Variants in WIZ observed in about 807,000 individuals in gnomAD.
WIZ encodes protein Wiz.
A neutral mutation model predicts 140.2 loss-of-function variants in WIZ; 25 were observed. The observed-to-expected ratio is 0.18, with a 90% CI of 0.13 to 0.25. The LOEUF (loss-of-function observed/expected upper bound fraction) is 0.25, where lower values mean the gene tolerates loss of function less well. WIZ is among the 10% of genes least tolerant of loss of function. The probability of loss-of-function intolerance (pLI) is 1.00; values close to 1 mark genes in which losing one functional copy is unlikely to be tolerated. For missense variants in WIZ, 2,231 were observed against 2,632.6 expected (o/e 0.85, Z 3.34); for synonymous variants, 1,125 against 1,154.3 (o/e 0.97, Z 0.51).
chr19:15,440,497 T>C lies in WIZ; in HGVS notation c.497A>G (p.His166Arg), dbSNP rs1969700783. Residue 166 changes from histidine to arginine, a missense_variant, in exon 4 of 13, where the codon CAC (histidine) becomes CGC (arginine). Around this residue, in one of 15 missense-constraint regions of WIZ, gnomAD observed 307 missense variants for 294.1 expected, o/e 1.04. Transcript: ENST00000673675. The surrounding 1 kb of genome is among the most constrained non-coding windows in gnomAD (Gnocchi z 6.2). ...AELEGSRRFL[H>R]HRGEPRLLEK... ...CAAAAGCCTTGGTTCCCCCCGGTGG[T>C]GTAAGAACCTTCTAGAGCCCTCTAG... 6.5e-7 allele frequency: 1 copy of C among 1,536,096 alleles called. No individual in the cohort carries two copies. The highest frequency in any genetic ancestry group is 2.0e-5 in the Admixed American group (1 of 51,000).
chr19:15,422,338 G>A lies in WIZ; in HGVS notation c.*738C>T, dbSNP rs1355869935. Reference sequence around the variant, plus strand: ...AGGGAGAGGGAGCAGGAGTGGGGGAGGAGAGTCCCACCCCCCAACCCCACC... The same window carrying A: ...AGGGAGAGGGAGCAGGAGTGGGGGAAGAGAGTCCCACCCCCCAACCCCACC... On this transcript the variant is annotated 3_prime_UTR_variant, in exon 13 of 13. Transcript: ENST00000673675. 6.6e-6 allele frequency: 1 copy of A among 152,258 alleles called. No homozygotes were observed. The highest frequency in any genetic ancestry group is 2.1e-4 in the South Asian group (1 of 4,832). The allele number at this position is 152,258 out of a possible 1,614,324, so 9.4% of individuals were successfully genotyped here.
At position 15,428,051 on chromosome 19, in the gene WIZ, C is replaced by A. The variant is rs946889721; in HGVS notation, c.3814+59G>T. The A allele has an allele frequency of 4.6e-5, 70 of 1,515,250 alleles. No homozygotes were observed. Among genetic ancestry groups the A allele is most frequent in the South Asian group, 2.2e-4 (18 of 81,062 alleles). 93.9% of individuals were successfully genotyped at this position (1,515,250 alleles called of 1,614,324 possible). A position where few individuals can be genotyped will look rare whatever the true frequency, so the allele number is the denominator to read the frequency against. On this transcript the variant is annotated intron_variant, in intron 8 of 12. Transcript: ENST00000673675. The surrounding 1 kb of genome is among the most constrained non-coding windows in gnomAD (Gnocchi z 6.4). ...CAGCAGGGAGGGGGCTGTGACCCCC[C>A]CCCCGGGAGGGGCTCCAGGGCCCGC...
rs1245111512 is a variant in WIZ, at chr19:15,420,847, G to C, written c.*2229C>G. ...TATTTCAAAAACTGACTTACGGGCCGGGCATAGTGGCTCACGCCTGTAATC... is the reference window on the plus strand; with the variant it reads ...TATTTCAAAAACTGACTTACGGGCCCGGCATAGTGGCTCACGCCTGTAATC... On this transcript the variant is annotated 3_prime_UTR_variant, in exon 13 of 13. Transcript: ENST00000673675. The C allele has an allele frequency of 6.6e-6, 1 of 152,168 alleles. No individual in the cohort carries two copies. The highest frequency in any genetic ancestry group is 1.5e-5 in the Non-Finnish European group (1 of 68,084). 9.4% of individuals were successfully genotyped at this position (152,168 alleles called of 1,614,324 possible). A position where few individuals can be genotyped will look rare whatever the true frequency, so the allele number is the denominator to read the frequency against.
In WIZ at chr19:15,438,866, C is replaced by A. The variant is rs1201756432; in HGVS notation, c.2128G>T (p.Gly710Trp). ...TCCAGGGGGTGGGCGCCTGCCAGCC[C>A]CAGCTCCTCGGGCTGCAACCTTGGG... is the stretch of plus-strand genomic sequence containing the variant. ...VPPRLQPEEL[G>W]LAGAHPLDFL... Residue 710 changes from glycine (G) to tryptophan (W), a missense_variant, in exon 4 of 13, where the codon GGG (glycine) becomes TGG (tryptophan). Around this residue, in one of 15 missense-constraint regions of WIZ, gnomAD observed 475 missense variants for 520.2 expected, o/e 0.91. Coordinates refer to ENST00000673675, the MANE Select transcript of WIZ (RefSeq NM_001371589.1). The A allele has an allele frequency of 6.8e-6, 10 of 1,466,650 alleles. No individual in the cohort carries two copies. The highest frequency in any genetic ancestry group is 2.4e-5 in the Admixed American group (1 of 41,700). 90.9% of individuals were successfully genotyped at this position (1,466,650 alleles called of 1,614,324 possible).
At position 15,439,373 on chromosome 19, in the gene WIZ, C is replaced by T; in HGVS notation, c.1621G>A (p.Ala541Thr). 1 of 1,531,642 alleles carries T rather than the reference C, an allele frequency of 6.5e-7. No individual in the cohort carries two copies. The highest frequency in any genetic ancestry group is 8.7e-7 in the Non-Finnish European group (1 of 1,143,970). 94.9% of individuals were successfully genotyped at this position (1,531,642 alleles called of 1,614,324 possible). Residue 541 changes from alanine (A) to threonine (T), a missense_variant, in exon 4 of 13, where the codon GCT becomes ACT. By Grantham distance (58) the Ala-to-Thr change is moderately conservative. Around this residue, in one of 15 missense-constraint regions of WIZ, gnomAD observed 475 missense variants for 520.2 expected, o/e 0.91. Coordinates refer to ENST00000673675, the MANE Select transcript of WIZ (RefSeq NM_001371589.1). The surrounding 1 kb of genome is among the most constrained non-coding windows in gnomAD (Gnocchi z 7.0). Reference sequence around the variant, plus strand: ...AAGGCCAGGCTGGGGTCGTATCCAGCAGGGTTCTCCCGCCACATGGGGGCC... The same window carrying T: ...AAGGCCAGGCTGGGGTCGTATCCAGTAGGGTTCTCCCGCCACATGGGGGCC... The part of the protein sequence containing the change: ...SLAPMWRENP[A>T]GYDPSLAFGP...
In WIZ at chr19:15,436,920, G is replaced by T; in HGVS notation, c.2626C>A (p.Arg876=). Residue 876 remains arginine, a synonymous_variant, in exon 5 of 13, where the codon CGA becomes AGA. Coordinates refer to ENST00000673675, the MANE Select transcript of WIZ (RefSeq NM_001371589.1). ...AAEQPPSPLG[R]EPGGPPGSFL... ...CTGCCAGGCGGACCCCCAGGCTCTC[G>T]GCCCAGGGGGCTGGGGGGCTGCTCA... 2 of 1,612,758 alleles carry T rather than the reference G, an allele frequency of 1.2e-6. No homozygotes were observed. Among genetic ancestry groups the T allele is most frequent in the Non-Finnish European group, 8.5e-7 (1 of 1,179,484 alleles).
rs1969783380 is a variant in WIZ at position 15,442,576 on chromosome 19, C to T, written c.278+100G>A. 2.1e-5 allele frequency: 20 copies of T among 959,980 alleles called. No individual in the cohort carries two copies. Among genetic ancestry groups the T allele is most frequent in the Non-Finnish European group, 2.6e-5 (19 of 739,560 alleles). 59.5% of individuals were successfully genotyped at this position (959,980 alleles called of 1,614,324 possible). ...TCCTCCTGCCTGGCCTCCTGATTCC[C>T]TCCTGTCCCCTTCTCATTCCCCAGG... On this transcript the variant is annotated intron_variant, in intron 3 of 12. Transcript: ENST00000673675. The surrounding 1 kb of genome is among the most constrained non-coding windows in gnomAD (Gnocchi z 5.5).
rs1380286572 is a variant in WIZ, at chr19:15,429,099, G to T, written c.3415+487C>A. The stretch of plus-strand genomic sequence containing the variant: ...GTGCCCACAGGCAGCCCAGGAGGTG[G>T]GGCTTCACCGGCAGGCGCAGAGAGC... On this transcript the variant is annotated intron_variant, in intron 7 of 12. Transcript: ENST00000673675. Among the ~76,000 whole-genome samples, 4 of 152,326 alleles carry T rather than the reference G, an allele frequency of 2.6e-5. No individual in the cohort carries two copies. In the East Asian group the frequency reaches 7.7e-4, roughly 29 times the overall value.
At position 15,439,850 on chromosome 19, in the gene WIZ, T is replaced by G. The variant is rs1202956255; in HGVS notation, c.1144A>C (p.Ile382Leu). Residue 382 changes from isoleucine (I) to leucine (L), a missense_variant, in exon 4 of 13, where the codon ATT becomes CTT. By Grantham distance (5) the Ile-to-Leu change is conservative. Coordinates refer to ENST00000673675, the MANE Select transcript of WIZ (RefSeq NM_001371589.1). The surrounding 1 kb of genome is among the most constrained non-coding windows in gnomAD (Gnocchi z 7.0). Reference sequence around the variant, plus strand: ...TGCTTCAGCTTTTGGATCTCCTCAATGATCTTCTCCCGGGAGGCCTGATGC... The same window carrying G: ...TGCTTCAGCTTTTGGATCTCCTCAAGGATCTTCTCCCGGGAGGCCTGATGC... ...QLHQASREKIIEEIQKLKQVP... is the reference protein window; with the variant it reads ...QLHQASREKILEEIQKLKQVP... 4 of 1,530,246 alleles carry G rather than the reference T, an allele frequency of 2.6e-6. No homozygotes were observed. The South Asian group carries it at 3.6e-5, about 14-fold the overall frequency. 94.8% of individuals were successfully genotyped at this position (1,530,246 alleles called of 1,614,324 possible). A position where few individuals can be genotyped will look rare whatever the true frequency, so the allele number is the denominator to read the frequency against.
rs1006849934 is a variant in WIZ at position 15,442,440 on chromosome 19, C to T, written c.278+236G>A. ...AGGGTCCAACATCCAGGCTCCTGCCCCTCTGGCCCTGCTCCTGGCAGGGAT... is the reference window on the plus strand; with the variant it reads ...AGGGTCCAACATCCAGGCTCCTGCCTCTCTGGCCCTGCTCCTGGCAGGGAT... On this transcript the variant is annotated intron_variant, in intron 3 of 12. Transcript: ENST00000673675. This position sits in a 1 kb window ranked among gnomAD's most constrained non-coding sequence, Gnocchi z 5.5. Among the ~76,000 whole-genome samples, 3 of 152,186 alleles carry T rather than the reference C, an allele frequency of 2.0e-5. No individual in the cohort carries two copies. Among genetic ancestry groups the T allele is most frequent in the African/African-American group, 4.8e-5 (2 of 41,450 alleles).
Position 15,425,595 on chromosome 19 carries a change from ACTT to A in WIZ, c.4537_4539del (p.Lys1513del), listed in dbSNP as rs759810311. The A allele has an allele frequency of 6.8e-6, 11 of 1,612,786 alleles. No homozygotes were observed. The highest frequency in any genetic ancestry group is 2.2e-5 in the South Asian group (2 of 91,030). ...TCCTTCTTGATGAGGCACGGCTTGGACTTCTTCTTGAGGATCTCTCGCAGTGTG... is the reference window on the plus strand; with the variant it reads ...TCCTTCTTGATGAGGCACGGCTTGGACTTCTTGAGGATCTCTCGCAGTGTG... On this transcript the variant is annotated inframe_deletion, in exon 10 of 13. Transcript: ENST00000673675.
chr19:15,436,271 C>T (rs1969513468), intron 5 of WIZ, among the ~76,000 whole-genome samples: 1 of 152,198 alleles, frequency 6.6e-6, no homozygotes, highest in South Asian at 2.1e-4. Context: ...TATTTCCAGC[C>T]ATCATCTCAG....
Position 15,439,815 on chromosome 19 carries a change from T to C in WIZ, c.1179A>G (p.Gly393=). The stretch of plus-strand genomic sequence containing the variant: ...GCAGCCGTGCCTCCCGGCCCTCGTC[T>C]CCTGGAACTTGCTTCAGCTTTTGGA... ...EEIQKLKQVP[G]DEGREARLQC... The change falls in exon 4 of 13, where the codon GGA becomes GGG. Residue 393 remains glycine, a synonymous_variant. Transcript: ENST00000673675. The surrounding 1 kb of genome is among the most constrained non-coding windows in gnomAD (Gnocchi z 7.0). 1 of 1,525,782 alleles carries C rather than the reference T, an allele frequency of 6.6e-7. No individual in the cohort carries two copies. Among genetic ancestry groups the C allele is most frequent in the Non-Finnish European group, 8.8e-7 (1 of 1,141,900 alleles). The allele number at this position is 1,525,782 out of a possible 1,614,324, so 94.5% of individuals were successfully genotyped here.
At position 15,421,671 on chromosome 19, in the gene WIZ, A is replaced by C. The variant is rs752899694; in HGVS notation, c.*1405T>G. The C allele has an allele frequency of 2.0e-5, 3 of 152,170 alleles. No individual in the cohort carries two copies. The highest frequency in any genetic ancestry group is 4.4e-5 in the Non-Finnish European group (3 of 68,012). 9.4% of individuals were successfully genotyped at this position (152,170 alleles called of 1,614,324 possible). ...GGGTGCATGTGTCTCACTAGAAGTC[A>C]CATGTATTAAAAGCAGGTGAGTTCC... On this transcript the variant is annotated 3_prime_UTR_variant, in exon 13 of 13. Coordinates refer to ENST00000673675, the MANE Select transcript of WIZ (RefSeq NM_001371589.1).
At position 15,420,002 on chromosome 19, in the gene WIZ, T is replaced by C. The variant is rs1445644935; in HGVS notation, c.*3074A>G. ...GTGTGTTTTAAAACTTTTTTTAAGG[T>C]ATGCTGTTTCTTTTTGATATTGTTG... On this transcript the variant is annotated 3_prime_UTR_variant, in exon 13 of 13. Coordinates refer to ENST00000673675, the MANE Select transcript of WIZ (RefSeq NM_001371589.1). The C allele has an allele frequency of 6.6e-6, 1 of 152,146 alleles. No individual in the cohort carries two copies. The highest frequency in any genetic ancestry group is 2.4e-5 in the African/African-American group (1 of 41,432). 9.4% of individuals were successfully genotyped at this position (152,146 alleles called of 1,614,324 possible). A position where few individuals can be genotyped will look rare whatever the true frequency, so the allele number is the denominator to read the frequency against.
At chr19:15,436,115 T>C (rs954022513) in intron 5 of WIZ, among the ~76,000 whole-genome samples, 3 of 152,106 alleles carry the variant, frequency 2.0e-5, no homozygotes, top group Non-Finnish European at 4.4e-5. Context: ...AGAGCGAGAC[T>C]CCATCTCGAA....
chr19:15,422,988 G>C lies in WIZ; in HGVS notation c.*88C>G. The C allele has an allele frequency of 6.5e-7, 1 of 1,529,560 alleles. No individual in the cohort carries two copies. The highest frequency in any genetic ancestry group is 1.3e-5 in the South Asian group (1 of 79,922). The allele number at this position is 1,529,560 out of a possible 1,614,324, so 94.7% of individuals were successfully genotyped here. ...GGTTTTGGCTTGCTCCTTTGGAAAC[G>C]GAAAGAAAGAGGAAGAGGGACAAGG... On this transcript the variant is annotated 3_prime_UTR_variant, in exon 13 of 13. Transcript: ENST00000673675.
chr19:15,427,522 C>T lies in WIZ; in HGVS notation c.3826G>A (p.Glu1276Lys), dbSNP rs374441131. Residue 1276 changes from glutamate to lysine, a missense_variant, in exon 9 of 13, where the codon GAG (glutamate) becomes AAG (lysine). This residue lies in a region of WIZ where 141 missense variants were observed against 161.2 expected (regional missense o/e 0.87). Coordinates refer to ENST00000673675, the MANE Select transcript of WIZ (RefSeq NM_001371589.1). The surrounding 1 kb of genome is among the most constrained non-coding windows in gnomAD (Gnocchi z 6.4). ...TCGCAGCGGATGTCTCGTGCTGGCTCTGGGCCTGAGGCTGCAGCAGGAGGA... is the reference window on the plus strand; with the variant it reads ...TCGCAGCGGATGTCTCGTGCTGGCTTTGGGCCTGAGGCTGCAGCAGGAGGA... The part of the protein sequence containing the change: ...PSPLNLSSGP[E>K]PARDIRCEFC... The T allele has an allele frequency of 6.8e-6, 11 of 1,607,640 alleles. No individual in the cohort carries two copies. In the African/African-American group the frequency reaches 1.5e-4, roughly 21 times the overall value.
rs761242858 is a variant in WIZ at position 15,436,871 on chromosome 19, C to T, written c.2675G>A (p.Arg892His). The T allele has an allele frequency of 5.0e-5, 80 of 1,612,326 alleles. No homozygotes were observed. Among genetic ancestry groups the T allele is most frequent in the Middle Eastern group, 1.7e-4 (1 of 6,048 alleles). ...TGGAAAGGGCACCGTGAGAGGTAAG[C>T]GGGGCCGACGGGAGGTCAGGAAGCT... The part of the protein sequence containing the change: ...PGSFLTSRRP[R>H]LPLTVPFPPT... The change falls in exon 5 of 13, where the codon CGC (arginine) becomes CAC (histidine). Residue 892 changes from arginine to histidine, a missense_variant. Transcript: ENST00000673675.
Sources: allele counts gnomAD v4.1 joint callset (sites outside exome capture counted in the v4.1 genomes callset), GRCh38; gene constraint gnomAD v4.1.1; regional missense constraint gnomAD v4.1.1; non-coding constraint Gnocchi (gnomAD v3.1); transcripts MANE v1.5; gene names NCBI Gene and HGNC (gene_info 2026-07-23, HGNC 2026-07-21).